Variants in CACNG4 observed in about 807,000 individuals in gnomAD.
CACNG4 encodes the protein voltage-dependent calcium channel gamma-4 subunit.
In CACNG4, 8 loss-of-function variants were observed where a neutral mutation model predicts 22.9. The observed-to-expected ratio is 0.35, with a 90% CI of 0.21 to 0.63. The LOEUF (loss-of-function observed/expected upper bound fraction) is 0.63, where lower values mean the gene tolerates loss of function less well. Among genes scored for constraint, CACNG4 ranks in the 30% least tolerant of loss-of-function variants. The probability of loss-of-function intolerance (pLI) is 0.72; values close to 1 mark genes in which losing one functional copy is unlikely to be tolerated. For missense variants in CACNG4, 357 were observed against 455.4 expected (o/e 0.78, Z 1.97); for synonymous variants, 188 against 191.9 (o/e 0.98, Z 0.17).
In CACNG4 at chr17:67,000,415, T is replaced by G. The variant is rs540677809; in HGVS notation, c.221-17774T>G. Among the ~76,000 whole-genome samples the G allele has an allele frequency of 5.3e-5, 7 of 131,474 alleles. No individual in the cohort carries two copies. The South Asian group carries it at 1.1e-3, about 22-fold the overall frequency. 86.3% of individuals were successfully genotyped at this position (131,474 alleles called of 152,430 possible). The stretch of plus-strand genomic sequence containing the variant: ...GCTGGATTTTACATTTTATTTACTG[T>G]TTTTTTTTTTTAAATGCAAGCAAAA... On this transcript the variant is annotated intron_variant, in intron 1 of 3. Coordinates refer to ENST00000262138, the MANE Select transcript of CACNG4 (RefSeq NM_014405.4).
At chr17:67,006,769 AAAAG>A (rs1567756190) in intron 1 of CACNG4, among the ~76,000 whole-genome samples, 2 of 152,236 alleles carry the variant, frequency 1.3e-5, no homozygotes, top group Non-Finnish European at 2.9e-5. Context: ...ATACCAAACT[AAAAG>A]AAAGAATGGG....
chr17:66,973,519 G>T (rs1486744258), intron 1 of CACNG4, among the ~76,000 whole-genome samples: 2 of 152,210 alleles, frequency 1.3e-5, no homozygotes, highest in African/African-American at 4.8e-5. Flanking sequence ...GGGCTGCCTG[G>T]CTGGGGCTCT....
At chr17:66,994,874 G>T (rs140120258) in intron 1 of CACNG4, among the ~76,000 whole-genome samples, 1 of 152,176 alleles carries the variant, frequency 6.6e-6, no homozygotes, top group African/African-American at 2.4e-5. Context: ...GGTGGTGAAG[G>T]GGGGAATGGG....
intron 1 of CACNG4, among the ~76,000 whole-genome samples, chr17:67,014,542 C>T (rs2035485866): frequency 6.6e-6 from 1 of 152,138 alleles, no homozygotes; most frequent in Non-Finnish European, 1.5e-5. Context: ...TCAGACCCAG[C>T]CTGAACGTTG....
chr17:67,009,423 G>A (rs565626886), intron 1 of CACNG4, among the ~76,000 whole-genome samples: 2 of 152,038 alleles, frequency 1.3e-5, no homozygotes, highest in Non-Finnish European at 2.9e-5. Flanking sequence ...CAAGAACATC[G>A]CTTATCATTG....
At chr17:67,004,614 T>C (rs1402088252) in intron 1 of CACNG4, among the ~76,000 whole-genome samples, 1 of 152,184 alleles carries the variant, frequency 6.6e-6, no homozygotes, top group Non-Finnish European at 1.5e-5. Flanking sequence ...TTTGGAGCCC[T>C]GGAAAAACAG....
chr17:66,999,543 C>A (rs2035395345), intron 1 of CACNG4, among the ~76,000 whole-genome samples: 1 of 152,186 alleles, frequency 6.6e-6, no homozygotes, highest in African/African-American at 2.4e-5. Context: ...GGGAAGCAGG[C>A]ACCTTCTTCA....
rs1490361655 is a variant in CACNG4 at position 67,027,769 on chromosome 17, A to G, written c.446-2697A>G. On this transcript the variant is annotated intron_variant, in intron 3 of 3. Transcript: ENST00000262138. The surrounding 1 kb of genome is among the most constrained non-coding windows in gnomAD (Gnocchi z 4.3). ...AGCGGTGGCTCATGCCTGTAATCCC[A>G]GCATTTTGGGAGGCCGAGGCAGGCG... Among the ~76,000 whole-genome samples the G allele has an allele frequency of 6.6e-6, 1 of 152,220 alleles. No individual in the cohort carries two copies. Among genetic ancestry groups the G allele is most frequent in the Non-Finnish European group, 1.5e-5 (1 of 68,042 alleles).
intron 1 of CACNG4, among the ~76,000 whole-genome samples, chr17:66,994,664 A>T (rs2035363063): frequency 6.6e-6 from 1 of 152,236 alleles, no homozygotes; most frequent in Non-Finnish European, 1.5e-5. Context: ...CCAGTTGGTC[A>T]TCTCCCAGAA....
chr17:66,968,078 G>A (rs1445288355), intron 1 of CACNG4, among the ~76,000 whole-genome samples: 2 of 152,192 alleles, frequency 1.3e-5, no homozygotes, highest in African/African-American at 4.8e-5. Context: ...CTGGGAGGAC[G>A]CTGTCTTCAC....
At chr17:67,016,453 G>A (rs2035498173) in intron 1 of CACNG4, among the ~76,000 whole-genome samples, 2 of 152,130 alleles carry the variant, frequency 1.3e-5, no homozygotes, top group Admixed American at 1.3e-4. Context: ...AAGAGCTTGG[G>A]GACGGCAGCT....
At chr17:66,965,768 C>T (rs1374780295) in intron 1 of CACNG4, among the ~76,000 whole-genome samples, 1 of 151,950 alleles carries the variant, frequency 6.6e-6, no homozygotes, top group Non-Finnish European at 1.5e-5. Context: ...GAGTTCCTAG[C>T]GGATCTAGGG....
intron 1 of CACNG4, among the ~76,000 whole-genome samples, chr17:66,987,641 A>G (rs768307771): frequency 1.1e-4 from 16 of 152,132 alleles, no homozygotes; most frequent in Admixed American, 2.0e-4. Flanking sequence ...GGAGGTTGGG[A>G]CCACAGAGGG....
intron 3 of CACNG4, among the ~76,000 whole-genome samples, chr17:67,025,981 G>A (rs539772768): frequency 3.6e-4 from 55 of 152,368 alleles, no homozygotes; most frequent in Admixed American, 7.8e-4. Context: ...GTGCATCTGC[G>A]AGTGATCTGT....
rs536647492 is a variant in CACNG4 at position 67,027,848 on chromosome 17, G to A, written c.446-2618G>A. 1.3e-5 allele frequency among the ~76,000 whole-genome samples: 2 copies of A among 152,020 alleles called. No individual in the cohort carries two copies. Among genetic ancestry groups the A allele is most frequent in the Admixed American group, 6.6e-5 (1 of 15,266 alleles). The stretch of plus-strand genomic sequence containing the variant: ...AGCCTGGCCAACATGGTGAAACCCT[G>A]TCTCTACCAAAAAATACAAAAATTA... On this transcript the variant is annotated intron_variant, in intron 3 of 3. Coordinates refer to ENST00000262138, the MANE Select transcript of CACNG4 (RefSeq NM_014405.4). The surrounding 1 kb of genome is among the most constrained non-coding windows in gnomAD (Gnocchi z 4.3).
intron 1 of CACNG4, among the ~76,000 whole-genome samples, chr17:66,996,034 C>A (rs1181180005): frequency 6.6e-6 from 1 of 152,062 alleles, no homozygotes; most frequent in Non-Finnish European, 1.5e-5. Context: ...GTTGGATTCG[C>A]CTCTAGGACA....
At chr17:66,967,351 C>A (rs1306637574) in intron 1 of CACNG4, among the ~76,000 whole-genome samples, 1 of 152,158 alleles carries the variant, frequency 6.6e-6, no homozygotes, top group Non-Finnish European at 1.5e-5. Flanking sequence ...CTTGTGGGAC[C>A]CAGGGCTGGG....
chr17:66,993,001 C>T (rs988774285), intron 1 of CACNG4, among the ~76,000 whole-genome samples: 1 of 152,268 alleles, frequency 6.6e-6, no homozygotes, highest in Non-Finnish European at 1.5e-5. Flanking sequence ...CCACCTTGCA[C>T]CTAGCGTGCG....
At chr17:67,029,470 A>T (rs1232478205) in intron 3 of CACNG4, among the ~76,000 whole-genome samples, 1 of 86,118 alleles carries the variant, frequency 1.2e-5, no homozygotes, top group East Asian at 1.0e-3. Context: ...TCTCTACTAA[A>T]AATACAAAAA....
Sources: gnomAD v4.1 joint callset for allele counts (sites outside exome capture counted in the v4.1 genomes callset) on GRCh38, gnomAD v4.1.1 for gene constraint, Gnocchi (gnomAD v3.1) non-coding constraint, MANE v1.5 for transcripts, NCBI Gene and HGNC (gene_info 2026-07-23, HGNC 2026-07-21) for gene names.